GLRX3: variants seen among roughly 807,000 people sequenced by gnomAD.
The protein encoded by GLRX3 is glutaredoxin-3.
GLRX3 carries 22 observed loss-of-function variants against 49.5 expected under a neutral mutation model. The ratio of observed to expected loss-of-function variants is 0.44; its 90% CI spans 0.32 to 0.63. GLRX3 has a LOEUF of 0.63. GLRX3 is among the 30% of genes least tolerant of loss of function. The probability of loss-of-function intolerance (pLI) is 0.05; values close to 1 mark genes in which losing one functional copy is unlikely to be tolerated. For missense variants in GLRX3, 385 were observed against 396.3 expected (o/e 0.97, Z 0.24); for synonymous variants, 133 against 140.0 (o/e 0.95, Z 0.35).
At chr10:130,176,428 A>G (rs1174211445) in intron 10 of GLRX3, among the ~76,000 whole-genome samples, 1 of 152,164 alleles carries the variant, frequency 6.6e-6, no homozygotes, top group Non-Finnish European at 1.5e-5. Flanking sequence ...CCAAAATAAA[A>G]GTTTTTAACA....
chr10:130,169,592 G>A, intron 7 of GLRX3, 102 bp downstream of exon 7: 2 of 770,750 alleles, frequency 2.6e-6, no homozygotes, highest in South Asian at 1.5e-5. Flanking sequence ...TAATGAAGCT[G>A]TAGCGATATC....
chr10:130,147,107 T>G (rs1389341224), intron 2 of GLRX3, among the ~76,000 whole-genome samples: 1 of 152,232 alleles, frequency 6.6e-6, no homozygotes, highest in African/African-American at 2.4e-5. Flanking sequence ...CTTTTTAAAA[T>G]TTAAGGACTT....
chr10:130,167,436 C>T (rs1045434828), intron 6 of GLRX3, among the ~76,000 whole-genome samples: 3 of 152,184 alleles, frequency 2.0e-5, no homozygotes, highest in Non-Finnish European at 4.4e-5. Context: ...TTGAGCACTT[C>T]TCATGGCCTT....
chr10:130,166,395 A>G (rs1862687968), intron 4 of GLRX3, 112 bp from the exon 5 acceptor site: 1 of 684,274 alleles, frequency 1.5e-6, no homozygotes, highest in South Asian at 2.1e-5. Context: ...CCAGCAAAAT[A>G]AGGCAGGCGT....
intron 2 of GLRX3, among the ~76,000 whole-genome samples, chr10:130,153,680 A>G (rs1862422935): frequency 6.6e-6 from 1 of 152,080 alleles, no homozygotes; most frequent in South Asian, 2.1e-4. Context: ...GCTTCGTTCC[A>G]GCGGGGCACC....
Position 130,175,799 on chromosome 10 carries a change from A to G in GLRX3, c.957+710A>G, listed in dbSNP as rs3793916. ...GTAGCTCTTTGATTAGCCCAAAACA[A>G]TAAACAGAAGCTGTAGCTTTAATAT... On this transcript the variant is annotated intron_variant, in intron 10 of 10. Transcript: ENST00000331244. Among the ~76,000 whole-genome samples, 9 of 152,340 alleles carry G rather than the reference A, an allele frequency of 5.9e-5. No individual in the cohort carries two copies. The East Asian group carries it at 1.7e-3, about 29-fold the overall frequency.
chr10:130,176,112 G>GT (rs553426083), intron 10 of GLRX3, among the ~76,000 whole-genome samples: 6,051 of 138,782 alleles, frequency 0.044, 336 homozygotes, highest in African/African-American at 0.13. Context: ...TAAAATAAAA[G>GT]TTTTTTTTTT....
chr10:130,145,118 C>A, intron 1 of GLRX3, 93 bp from the exon 2 acceptor site: 1 of 543,026 alleles, frequency 1.8e-6, no homozygotes, highest in Non-Finnish European at 3.2e-6. Flanking sequence ...TCTTTTAAAG[C>A]TTTCTTTTTT....
chr10:130,176,270 C>T (rs1038313457), intron 10 of GLRX3, among the ~76,000 whole-genome samples: 12 of 151,984 alleles, frequency 7.9e-5, no homozygotes, highest in Admixed American at 3.9e-4. Context: ...CAGGCACCCG[C>T]CACCACGCCC....
intron 4 of GLRX3, among the ~76,000 whole-genome samples, chr10:130,163,204 C>A (rs112831038): frequency 0.087 from 13,189 of 152,092 alleles, 918 homozygotes; most frequent in African/African-American, 0.19. Flanking sequence ...GTGGGCGGAT[C>A]GCTTGAGATC....
intron 7 of GLRX3, among the ~76,000 whole-genome samples, chr10:130,170,600 A>T (rs1862785174): frequency 6.6e-6 from 1 of 152,172 alleles, no homozygotes. Flanking sequence ...CCTAGTAATG[A>T]TAAAGTGACA....
intron 8 of GLRX3, among the ~76,000 whole-genome samples, chr10:130,173,197 C>T (rs1459789231): frequency 1.3e-5 from 2 of 152,166 alleles, no homozygotes; most frequent in African/African-American, 2.4e-5. Flanking sequence ...TCTTCTGAGC[C>T]GACACACTGG....
chr10:130,172,979 C>T (rs72479338), intron 8 of GLRX3, among the ~76,000 whole-genome samples: 2,453 of 152,304 alleles, frequency 0.016, 64 homozygotes, highest in East Asian at 0.12. Context: ...ATTACTATGA[C>T]ATTTTATAGA....
At chr10:130,149,460 A>G (rs896763401) in intron 2 of GLRX3, among the ~76,000 whole-genome samples, 3 of 151,812 alleles carry the variant, frequency 2.0e-5, no homozygotes, top group African/African-American at 4.8e-5. Context: ...AAAACAAAAC[A>G]GGAAAAGTCT....
At chr10:130,160,328 G>T (rs1187647896) in intron 3 of GLRX3, among the ~76,000 whole-genome samples, 1 of 151,566 alleles carries the variant, frequency 6.6e-6, no homozygotes. Context: ...TCAAAATTCA[G>T]ATATGTGGCT....
chr10:130,152,011 T>C (rs1377500337), intron 2 of GLRX3, among the ~76,000 whole-genome samples: 1 of 152,106 alleles, frequency 6.6e-6, no homozygotes, highest in East Asian at 1.9e-4. Context: ...AAGGTTAATT[T>C]TGTTGTGTGT....
chr10:130,157,524 AT>A (rs1429851811), intron 2 of GLRX3, among the ~76,000 whole-genome samples: 1 of 49,564 alleles, frequency 2.0e-5, no homozygotes, highest in Non-Finnish European at 3.8e-5. Flanking sequence ...CCCCGCCCAT[AT>A]TGGGTGAGAA....
chr10:130,158,823 C>T lies in GLRX3; in HGVS notation c.202-1172C>T, dbSNP rs150561983. On this transcript the variant is annotated intron_variant, in intron 2 of 10. Transcript: ENST00000331244. ...ACTATTGTTGATTTTATAGAATTTT[C>T]ATATAAGTACATTTTAAAAATGGAA... is the stretch of plus-strand genomic sequence containing the variant. Among the ~76,000 whole-genome samples the T allele has an allele frequency of 7.1e-3, 1,077 of 151,996 alleles. 8 individuals are homozygous for T. Among genetic ancestry groups the T allele is most frequent in the South Asian group, 0.026 (124 of 4,816 alleles).
chr10:130,137,827 C>CGGG (rs1862092466), intron 1 of GLRX3, among the ~76,000 whole-genome samples: 1 of 151,954 alleles, frequency 6.6e-6, no homozygotes, highest in Admixed American at 6.6e-5. Flanking sequence ...CTCCGCCTCC[C>CGGG]AGGCTCAAGT....
Sources: gnomAD v4.1 joint callset for allele counts (sites outside exome capture counted in the v4.1 genomes callset) on GRCh38, gnomAD v4.1.1 for gene constraint, MANE v1.5 for transcripts, NCBI Gene and HGNC (gene_info 2026-07-23, HGNC 2026-07-21) for gene names.